The following PC variants were observed in gnomAD, a reference collection of about 807,000 sequenced individuals.
PC encodes the protein pyruvate carboxylase, mitochondrial.
Under a neutral mutation model 107.8 loss-of-function variants are expected in PC, and 46 were observed. The observed-to-expected ratio is 0.43, with a 90% CI of 0.34 to 0.55. The LOEUF (loss-of-function observed/expected upper bound fraction) is 0.55. Ranked by LOEUF, PC falls within the 20% of genes least tolerant of loss-of-function variation. The pLI, the probability that PC is intolerant of heterozygous loss-of-function variation, is 0.04. For synonymous variants in PC, 662 were observed against 684.7 expected (o/e 0.97, Z 0.52); for missense variants, 1,241 against 1,643.1 (o/e 0.76, Z 4.23).
At chr11:66,873,491 A>AT (rs1797025016) in intron 3 of PC, among the ~76,000 whole-genome samples, 1 of 44,220 alleles carries the variant, frequency 2.3e-5, no homozygotes, top group East Asian at 7.3e-4. Flanking sequence ...ATAATATTAT[A>AT]TATATTATAT....
chr11:66,953,898 CTAATAGGACCTTCG>C (rs1231240065), intron 2 of PC, among the ~76,000 whole-genome samples: 1 of 152,130 alleles, frequency 6.6e-6, no homozygotes, highest in Non-Finnish European at 1.5e-5. Context: ...AGAGATGGAT[CTAATAGGACCTTCG>C]TAATAGGATT....
chr11:66,952,275 A>G (rs1384337043), intron 3 of PC, 155 bp downstream of exon 3: 1 of 152,276 alleles, frequency 6.6e-6, no homozygotes, highest in Non-Finnish European at 1.5e-5. Flanking sequence ...GAAACAGACA[A>G]GACTGCTTAA....
chr11:66,875,685 A>G (rs1591202740), intron 3 of PC, among the ~76,000 whole-genome samples: 1 of 152,068 alleles, frequency 6.6e-6, no homozygotes, highest in South Asian at 2.1e-4. Flanking sequence ...GAGGCAGGGT[A>G]AGATGGGGGC....
Position 66,863,837 on chromosome 11 carries a change from G to T in PC, c.1305C>A (p.Asp435Glu). Residue 435 changes from aspartate to glutamate, a missense_variant, in exon 12 of 23, where the codon GAC becomes GAA. Asp to Glu is a conservative substitution (Grantham distance 45, BLOSUM62 2). This residue lies in a region of PC where 1,143 missense variants were observed against 1,551.9 expected (regional missense o/e 0.74). Transcript: ENST00000393960. ...LLVKVIAHGK[D>E]HPTAATKMSR... ...TCATCTTGGTGGCGGCCGTGGGGTG[G>T]TCTTTGCCGTGGGCAATGACTTTGA... 6.2e-7 allele frequency: 1 copy of T among 1,613,898 alleles called. No individual in the cohort carries two copies. The highest frequency in any genetic ancestry group is 1.1e-5 in the South Asian group (1 of 91,084).
chr11:66,923,006 T>A (rs879598383), intron 3 of PC, among the ~76,000 whole-genome samples: 3 of 152,054 alleles, frequency 2.0e-5, no homozygotes, highest in African/African-American at 7.2e-5. Flanking sequence ...CCACATCCCA[T>A]CTTGAGGCGT....
chr11:66,939,942 C>G lies in PC; in HGVS notation c.-1+12488G>C, dbSNP rs367585414. 3.1e-4 allele frequency among the ~76,000 whole-genome samples: 46 copies of G among 149,710 alleles called. 1 individual carries two copies. In the South Asian group the frequency reaches 8.6e-3, roughly 28 times the overall value. ...GACCTAAACATAAGACCTAAAATGA[C>G]AAAACTCTTGGAAAAAACATAGGGG... On this transcript the variant is annotated intron_variant, in intron 3 of 22. Coordinates refer to ENST00000393960, the MANE Select transcript of PC (RefSeq NM_001040716.2).
chr11:66,899,114 C>T (rs1172850218), intron 3 of PC, among the ~76,000 whole-genome samples: 3 of 152,150 alleles, frequency 2.0e-5, no homozygotes, highest in Admixed American at 1.3e-4. Flanking sequence ...AAGTGATCCA[C>T]CTGCCTTGGC....
chr11:66,896,837 G>C (rs886659085), intron 3 of PC, among the ~76,000 whole-genome samples: 17 of 152,310 alleles, frequency 1.1e-4, no homozygotes, highest in African/African-American at 3.8e-4. Context: ...CATAAACATA[G>C]AGTATTTCTA....
At chr11:66,927,052 A>T (rs769006863) in intron 3 of PC, among the ~76,000 whole-genome samples, 1 of 148,362 alleles carries the variant, frequency 6.7e-6, no homozygotes, top group Non-Finnish European at 1.5e-5. Context: ...GTGCAATGGC[A>T]TGATCTCGGC....
intron 3 of PC, among the ~76,000 whole-genome samples, chr11:66,878,542 C>T (rs371062050): frequency 1.3e-5 from 2 of 152,338 alleles, no homozygotes; most frequent in East Asian, 1.9e-4. Flanking sequence ...GCCGCCCCCT[C>T]GGCGGCCCCT....
At chr11:66,860,076 G>C (rs765536979) in intron 12 of PC, 1 of 1,558,554 alleles carries the variant, frequency 6.4e-7, no homozygotes, top group African/African-American at 1.4e-5. Context: ...CTACGGTTAT[G>C]CCAGGCGCCT....
rs930904355 is a variant in PC at position 66,866,016 on chromosome 11, G to A, written c.1185+171C>T. Among the ~76,000 whole-genome samples, 12 of 152,284 alleles carry A rather than the reference G, an allele frequency of 7.9e-5. No homozygotes were observed. The highest frequency in any genetic ancestry group is 2.1e-4 in the South Asian group (1 of 4,824). On this transcript the variant is annotated intron_variant, in intron 11 of 22. Transcript: ENST00000393960. The surrounding 1 kb of genome is among the most constrained non-coding windows in gnomAD (Gnocchi z 5.4). ...GCAGTCTCTTCCCCTGGGAGGCGCCGCCCCTCCTCTGGGCACTGCCTGCCT... is the reference window on the plus strand; with the variant it reads ...GCAGTCTCTTCCCCTGGGAGGCGCCACCCCTCCTCTGGGCACTGCCTGCCT...
chr11:66,914,044 G>A (rs1375249053), intron 3 of PC, among the ~76,000 whole-genome samples: 3 of 152,136 alleles, frequency 2.0e-5, no homozygotes, highest in Admixed American at 1.3e-4. Flanking sequence ...GGTACGTCTC[G>A]TTTCCTCCTC....
At chr11:66,941,062 C>A (rs4483596) in intron 3 of PC, among the ~76,000 whole-genome samples, 59,523 of 131,262 alleles carry the variant, frequency 0.45, 13,368 homozygotes, top group South Asian at 0.68. Context: ...GGCAACAGAG[C>A]AAGCAAGACT....
chr11:66,866,950 G>T lies in PC; in HGVS notation c.1023-601C>A, dbSNP rs562945485. ...CCTTCTGAGGCCTGTTTTCCTGCTG[G>T]ACTTGTGCCCAAAACCCCCTAGAGA... On this transcript the variant is annotated intron_variant, in intron 10 of 22. Transcript: ENST00000393960. The surrounding 1 kb of genome is among the most constrained non-coding windows in gnomAD (Gnocchi z 5.4). 3.3e-5 allele frequency among the ~76,000 whole-genome samples: 5 copies of T among 152,266 alleles called. No individual in the cohort carries two copies. In the South Asian group the frequency reaches 6.2e-4, roughly 19 times the overall value.
chr11:66,857,961 G>A lies in PC; in HGVS notation c.1369-4578C>T. The stretch of plus-strand genomic sequence containing the variant: ...GCCCCCTGACTTCCGCAACATGACG[G>A]GACTGGTGGACCTGACACTGTCTCG... On this transcript the variant is annotated intron_variant, in intron 12 of 22. Coordinates refer to ENST00000393960, the MANE Select transcript of PC (RefSeq NM_001040716.2). This position sits in a 1 kb window ranked among gnomAD's most constrained non-coding sequence, Gnocchi z 7.1. 1 of 1,612,536 alleles carries A rather than the reference G, an allele frequency of 6.2e-7. No individual in the cohort carries two copies. Among genetic ancestry groups the A allele is most frequent in the Non-Finnish European group, 8.5e-7 (1 of 1,179,940 alleles).
chr11:66,851,960 G>A lies in PC; in HGVS notation c.1826-14C>T, dbSNP rs779745378. The A allele has an allele frequency of 6.2e-6, 10 of 1,613,220 alleles. No homozygotes were observed. In the South Asian group the frequency reaches 8.8e-5, roughly 14 times the overall value. On this transcript the variant is annotated splice_polypyrimidine_tract_variant and intron_variant, in intron 15 of 22. Coordinates refer to ENST00000393960, the MANE Select transcript of PC (RefSeq NM_001040716.2). ...CAAACGTGGCTCCTGCACAGGAACC[G>A]AGAGGCCCAGATCAGCTCTGCATGC...
At chr11:66,891,700 A>C (rs772370263) in intron 3 of PC, among the ~76,000 whole-genome samples, 1 of 152,194 alleles carries the variant, frequency 6.6e-6, no homozygotes, top group Non-Finnish European at 1.5e-5. Context: ...CCAATAGGCA[A>C]GTTTTTAATA....
chr11:66,885,451 A>G (rs1052507010), intron 3 of PC, among the ~76,000 whole-genome samples: 3 of 148,530 alleles, frequency 2.0e-5, no homozygotes, highest in Non-Finnish European at 3.0e-5. Context: ...AGATGGCGCC[A>G]TTGCACTCCA....
Sources: gnomAD v4.1 joint callset for allele counts (sites outside exome capture counted in the v4.1 genomes callset) on GRCh38, gnomAD v4.1.1 for gene constraint, gnomAD v4.1.1 regional missense constraint, Gnocchi (gnomAD v3.1) non-coding constraint, MANE v1.5 for transcripts, NCBI Gene and HGNC (gene_info 2026-07-23, HGNC 2026-07-21) for gene names.